TMEM131: variants seen among roughly 807,000 people sequenced by gnomAD.
The protein encoded by TMEM131 is 2610524E03Rik.
A neutral mutation model predicts 211.6 loss-of-function variants in TMEM131; 66 were observed. That is an observed-to-expected ratio of 0.31 (90% confidence interval 0.26 to 0.38). The LOEUF is 0.38. Among genes scored for constraint, TMEM131 ranks in the 10% least tolerant of loss-of-function variants. The pLI is 1.00. For synonymous variants in TMEM131, 844 were observed against 841.3 expected (o/e 1.00, Z -0.06); for missense variants, 2,036 against 2,299.3 (o/e 0.89, Z 2.34).
chr2:97,764,452 G>A (rs2104773112), intron 35 of TMEM131: 1 of 152,570 alleles, frequency 6.6e-6, no homozygotes, highest in Admixed American at 6.5e-5. Flanking sequence ...CGCTGGCAGT[G>A]AGGGCAGAGA....
intron 1 of TMEM131, among the ~76,000 whole-genome samples, chr2:97,992,146 TAAG>T (rs1307046477): frequency 6.6e-6 from 1 of 152,230 alleles, no homozygotes; most frequent in African/African-American, 2.4e-5. Context: ...ATCTCACTCT[TAAG>T]AAAATCACTT....
At chr2:97,809,850 T>C in intron 18 of TMEM131, 76 bp from the exon 19 acceptor site, 2 of 1,234,364 alleles carry the variant, frequency 1.6e-6, no homozygotes, top group Non-Finnish European at 2.3e-6. Flanking sequence ...CATTATATTT[T>C]GGGGTTAACC....
chr2:97,757,482 A>G (rs2104742159), intron 40 of TMEM131, 99 bp from the exon 41 acceptor site: 1 of 1,321,702 alleles, frequency 7.6e-7, no homozygotes, highest in Non-Finnish European at 1.0e-6. Context: ...TGGGGCACGC[A>G]TTCCTCTTAC....
intron 1 of TMEM131, among the ~76,000 whole-genome samples, chr2:97,936,293 A>G (rs1454455977): frequency 6.6e-6 from 1 of 152,196 alleles, no homozygotes; most frequent in Non-Finnish European, 1.5e-5. Context: ...AAGTGTTGAC[A>G]CCTTCCTGCC....
At chr2:97,790,022 A>G (rs1470254711) in intron 31 of TMEM131, among the ~76,000 whole-genome samples, 3 of 152,244 alleles carry the variant, frequency 2.0e-5, no homozygotes, top group Non-Finnish European at 4.4e-5. Context: ...TCCAAAAACC[A>G]GAAACTACAT....
intron 3 of TMEM131, among the ~76,000 whole-genome samples, chr2:97,896,183 G>A (rs1297269668): frequency 6.6e-6 from 1 of 152,152 alleles, no homozygotes; most frequent in African/African-American, 2.4e-5. Context: ...TTTTAAGTGA[G>A]TTTCTTAATC....
At position 97,919,039 on chromosome 2, in the gene TMEM131, T is replaced by C. The variant is rs190094244; in HGVS notation, c.249+8387A>G. 3.7e-3 allele frequency among the ~76,000 whole-genome samples: 569 copies of C among 152,302 alleles called. 1 individual carries two copies. Among genetic ancestry groups the C allele is most frequent in the Non-Finnish European group, 5.6e-3 (381 of 68,022 alleles). Reference sequence around the variant, plus strand: ...CAGAAGACTACATGTGGCCTTTCCATGTGGCTTAAGTTTCTCACATCACGG... The same window carrying C: ...CAGAAGACTACATGTGGCCTTTCCACGTGGCTTAAGTTTCTCACATCACGG... On this transcript the variant is annotated intron_variant, in intron 2 of 40. Transcript: ENST00000186436.
At chr2:97,961,350 A>G (rs1216779424) in intron 1 of TMEM131, among the ~76,000 whole-genome samples, 1 of 152,190 alleles carries the variant, frequency 6.6e-6, no homozygotes, top group Non-Finnish European at 1.5e-5. Context: ...TTGTATATGG[A>G]AAAAATACAA....
chr2:97,967,021 A>AAAACAAAC (rs140987291), intron 1 of TMEM131, among the ~76,000 whole-genome samples: 7,218 of 151,996 alleles, frequency 0.047, 245 homozygotes, highest in Middle Eastern at 0.1. Flanking sequence ...CCCACCACCT[A>AAAACAAAC]AAACAAACAA....
In TMEM131 at chr2:97,894,409, C is replaced by A. The variant is rs1223888536; in HGVS notation, c.291-6289G>T. ...AAGTTTAAAGTAGTTTTTTTCAATT[C>A]TGTGAAGAAAAGTCAATAGTAGCTT... On this transcript the variant is annotated intron_variant, in intron 3 of 40. Coordinates refer to ENST00000186436, the MANE Select transcript of TMEM131 (RefSeq NM_015348.2). 5.3e-5 allele frequency among the ~76,000 whole-genome samples: 8 copies of A among 151,998 alleles called. No individual in the cohort carries two copies. In the East Asian group the frequency reaches 1.5e-3, roughly 29 times the overall value.
chr2:97,815,958 T>C (rs558352173), intron 12 of TMEM131, among the ~76,000 whole-genome samples: 15 of 152,252 alleles, frequency 9.9e-5, no homozygotes, highest in African/African-American at 3.6e-4. Flanking sequence ...CTAAAACTCA[T>C]GGTATAAGAG....
rs1678483672 is a variant in TMEM131 at position 97,756,432 on chromosome 2, A to C, written c.*667T>G. 6.6e-6 allele frequency: 1 copy of C among 152,256 alleles called. No individual in the cohort carries two copies. The highest frequency in any genetic ancestry group is 2.4e-5 in the African/African-American group (1 of 41,474). 9.4% of individuals were successfully genotyped at this position (152,256 alleles called of 1,614,324 possible). ...TGTATCTCAAGACTTGGCTATGTGC[A>C]TTTCAGTTCATCTTTAAAATAAGTT... On this transcript the variant is annotated 3_prime_UTR_variant, in exon 41 of 41. Coordinates refer to ENST00000186436, the MANE Select transcript of TMEM131 (RefSeq NM_015348.2).
At chr2:97,910,673 T>C (rs1676256183) in intron 2 of TMEM131, among the ~76,000 whole-genome samples, 1 of 152,328 alleles carries the variant, frequency 6.6e-6, no homozygotes, top group Admixed American at 6.5e-5. Flanking sequence ...CGGTGTGAGA[T>C]GGTATCTCAT....
intron 31 of TMEM131, among the ~76,000 whole-genome samples, chr2:97,777,337 G>A (rs527627793): frequency 3.2e-4 from 48 of 152,356 alleles, no homozygotes; most frequent in African/African-American, 1.0e-3. Flanking sequence ...TGTTTTAGGC[G>A]TTATCCCAGA....
chr2:97,759,229 A>G (rs930763980), intron 39 of TMEM131, 176 bp from the exon 40 acceptor site: 7 of 715,370 alleles, frequency 9.8e-6, no homozygotes, highest in Non-Finnish European at 1.6e-5. Flanking sequence ...CCAGAACTCA[A>G]ACGCATAGTG....
At chr2:97,986,850 T>C (rs1056617389) in intron 1 of TMEM131, among the ~76,000 whole-genome samples, 1 of 152,268 alleles carries the variant, frequency 6.6e-6, no homozygotes, top group African/African-American at 2.4e-5. Context: ...CCCTCTCTTG[T>C]ACACTGCTCT....
In TMEM131 at chr2:97,884,576, A is replaced by C. The variant is rs528278631; in HGVS notation, c.359+3476T>G. On this transcript the variant is annotated intron_variant, in intron 4 of 40. Coordinates refer to ENST00000186436, the MANE Select transcript of TMEM131 (RefSeq NM_015348.2). ...GTCTATCTCTCCCTTTAGATCTAAT[A>C]GTTGCTTTTTATATCTGGGTGCTCT... is the stretch of plus-strand genomic sequence containing the variant. Among the ~76,000 whole-genome samples the C allele has an allele frequency of 3.0e-4, 46 of 152,286 alleles. No individual in the cohort carries two copies. In the East Asian group the frequency reaches 8.9e-3, roughly 29 times the overall value.
At chr2:97,778,949 A>G (rs1257142670) in intron 31 of TMEM131, among the ~76,000 whole-genome samples, 1 of 152,210 alleles carries the variant, frequency 6.6e-6, no homozygotes, top group Non-Finnish European at 1.5e-5. Context: ...TCCAAAACTG[A>G]GTTAACTATC....
chr2:97,818,478 G>C, intron 12 of TMEM131, 135 bp downstream of exon 12: 1 of 311,928 alleles, frequency 3.2e-6, no homozygotes, highest in South Asian at 3.3e-5. Context: ...GGGGGCGGGG[G>C]GGGATCAACC....
Sources: gnomAD v4.1 joint callset for allele counts (sites outside exome capture counted in the v4.1 genomes callset) on GRCh38, gnomAD v4.1.1 for gene constraint, MANE v1.5 for transcripts, NCBI Gene and HGNC (gene_info 2026-07-23, HGNC 2026-07-21) for gene names.